The following KCNK10 variants were observed in gnomAD, a reference collection of about 807,000 sequenced individuals.
KCNK10 encodes the protein potassium two pore domain channel subfamily K member 10.
A neutral mutation model predicts 47.7 loss-of-function variants in KCNK10; 25 were observed. The ratio of observed to expected loss-of-function variants is 0.52; its 90% CI spans 0.38 to 0.73. The LOEUF (loss-of-function observed/expected upper bound fraction) is 0.73, where lower values mean the gene tolerates loss of function less well. Ranked by LOEUF, KCNK10 falls within the 30% of genes least tolerant of loss-of-function variation. KCNK10 has a pLI of 0.00. For synonymous variants in KCNK10, 303 were observed against 285.6 expected (o/e 1.06, Z -0.61); for missense variants, 563 against 714.5 (o/e 0.79, Z 2.42).
chr14:88,209,426 G>A (rs774124350), intron 4 of KCNK10, among the ~76,000 whole-genome samples: 8 of 152,362 alleles, frequency 5.3e-5, no homozygotes, highest in East Asian at 1.9e-4. Context: ...GGCCGACGAC[G>A]AAGAAGACAA....
Position 88,182,370 on chromosome 14 carries a change from T to C in KCNK10, c.*3165A>G, listed in dbSNP as rs1884400460. The C allele has an allele frequency of 6.6e-6, 1 of 152,338 alleles. No individual in the cohort carries two copies. Among genetic ancestry groups the C allele is most frequent in the East Asian group, 1.9e-4 (1 of 5,334 alleles). The allele number at this position is 152,338 out of a possible 1,614,324, so 9.4% of individuals were successfully genotyped here. ...AAAGGGGGGGCTGTGCTGATGCATG[T>C]ATAGAATGTGTAGCAGCTTTGACCT... On this transcript the variant is annotated 3_prime_UTR_variant, in exon 7 of 7. Transcript: ENST00000319231.
intron 4 of KCNK10, among the ~76,000 whole-genome samples, chr14:88,227,057 A>T (rs1886008976): frequency 6.6e-6 from 1 of 152,204 alleles, no homozygotes; most frequent in Non-Finnish European, 1.5e-5. Context: ...TACAAACACA[A>T]TGAGGAACCC....
chr14:88,319,899 A>G (rs995742141), intron 1 of KCNK10, among the ~76,000 whole-genome samples: 4 of 152,242 alleles, frequency 2.6e-5, no homozygotes, highest in Admixed American at 2.0e-4. Flanking sequence ...CTGTAAAATT[A>G]GGATAATACC....
Position 88,186,202 on chromosome 14 carries a change from T to G in KCNK10, c.1012-47A>C, listed in dbSNP as rs78100695. On this transcript the variant is annotated intron_variant, in intron 6 of 6. Transcript: ENST00000319231. This position sits in a 1 kb window ranked among gnomAD's most constrained non-coding sequence, Gnocchi z 5.5. ...AACAATATGCTGACAAATGCCTCCC[T>G]GCCTTGGCCTCCCAGCACCCACAGC... 6.6e-7 allele frequency: 1 copy of G among 1,521,912 alleles called. No individual in the cohort carries two copies. The highest frequency in any genetic ancestry group is 8.8e-7 in the Non-Finnish European group (1 of 1,133,702). 94.3% of individuals were successfully genotyped at this position (1,521,912 alleles called of 1,614,324 possible). A position where few individuals can be genotyped will look rare whatever the true frequency, so the allele number is the denominator to read the frequency against.
intron 2 of KCNK10, among the ~76,000 whole-genome samples, chr14:88,249,551 AT>A (rs1886736525): frequency 6.6e-6 from 1 of 152,176 alleles, no homozygotes; most frequent in African/African-American, 2.4e-5. Flanking sequence ...CTAGTAACCA[AT>A]AGCTACTGGG....
intron 4 of KCNK10, among the ~76,000 whole-genome samples, chr14:88,196,198 A>AT (rs1884908273): frequency 6.6e-6 from 1 of 152,178 alleles, no homozygotes; most frequent in African/African-American, 2.4e-5. Context: ...AACTATAGGA[A>AT]TTTTTTAAGT....
chr14:88,242,857 C>A (rs556086226), intron 2 of KCNK10, among the ~76,000 whole-genome samples: 1 of 152,186 alleles, frequency 6.6e-6, no homozygotes, highest in African/African-American at 2.4e-5. Context: ...GAAATAATAC[C>A]GCAGGGAGGG....
At chr14:88,217,179 C>T (rs1885648543) in intron 4 of KCNK10, among the ~76,000 whole-genome samples, 1 of 152,128 alleles carries the variant, frequency 6.6e-6, no homozygotes, top group Non-Finnish European at 1.5e-5. Flanking sequence ...AATAAACTCA[C>T]ATTATTATGT....
intron 4 of KCNK10, among the ~76,000 whole-genome samples, chr14:88,222,599 G>A (rs1885853197): frequency 6.6e-6 from 1 of 152,182 alleles, no homozygotes; most frequent in Non-Finnish European, 1.5e-5. Flanking sequence ...AAATGTACCA[G>A]TCTGGTGCGG....
At chr14:88,305,385 A>G (rs1354319294) in intron 1 of KCNK10, among the ~76,000 whole-genome samples, 3 of 152,196 alleles carry the variant, frequency 2.0e-5, no homozygotes, top group African/African-American at 7.2e-5. Flanking sequence ...CCCTTTTCTG[A>G]GAAGGAAAAT....
chr14:88,249,113 A>G (rs1177258038), intron 2 of KCNK10, among the ~76,000 whole-genome samples: 5 of 152,220 alleles, frequency 3.3e-5, no homozygotes, highest in African/African-American at 9.7e-5. Flanking sequence ...CAACTAAAAA[A>G]AAGGACAACA....
chr14:88,265,492 T>C (rs1452165417), intron 1 of KCNK10, among the ~76,000 whole-genome samples: 1 of 152,164 alleles, frequency 6.6e-6, no homozygotes, highest in Non-Finnish European at 1.5e-5. Context: ...ACTCTTTGAT[T>C]TTGGCCAAGT....
rs1888294265 is a variant in KCNK10 at position 88,310,217 on chromosome 14, C to CATATACCATATG, written c.52+12529_52+12530insCATATGGTATAT. Among the ~76,000 whole-genome samples the CATATACCATATG allele has an allele frequency of 6.5e-5, 6 of 92,142 alleles. 1 individual carries two copies. The highest frequency in any genetic ancestry group is 7.8e-4 in the South Asian group (2 of 2,550). The allele number at this position is 92,142 out of a possible 152,430, so 60.4% of individuals were successfully genotyped here. A position where few individuals can be genotyped will look rare whatever the true frequency, so the allele number is the denominator to read the frequency against. ...TCATATGGTATATGATATACCATAT[C>CATATACCATATG]ATATGGTATATGATATACCATATAA... On this transcript the variant is annotated intron_variant, in intron 1 of 6. Transcript: ENST00000319231.
intron 4 of KCNK10, among the ~76,000 whole-genome samples, chr14:88,210,014 T>C (rs1313244997): frequency 1.3e-5 from 2 of 152,206 alleles, no homozygotes; most frequent in Non-Finnish European, 2.9e-5. Flanking sequence ...CAAGCTAGAC[T>C]TAACAAGTCC....
At chr14:88,188,198 A>T (rs1291258126) in intron 5 of KCNK10, 89 bp from the exon 6 acceptor site, 9 of 1,443,994 alleles carry the variant, frequency 6.2e-6, no homozygotes, top group Non-Finnish European at 7.7e-6. Context: ...TGAAGACGTC[A>T]TCCATCATTG....
intron 4 of KCNK10, among the ~76,000 whole-genome samples, chr14:88,204,882 T>C (rs1469557543): frequency 6.6e-6 from 1 of 152,166 alleles, no homozygotes; most frequent in Non-Finnish European, 1.5e-5. Context: ...GATGAGCCTA[T>C]ACTGACAATA....
rs1888582209 is a variant in KCNK10 at position 88,323,037 on chromosome 14, G to A, written c.-239C>T. The A allele has an allele frequency of 4.5e-6, 6 of 1,335,152 alleles. No individual in the cohort carries two copies. Among genetic ancestry groups the A allele is most frequent in the African/African-American group, 3.0e-5 (2 of 67,382 alleles). The allele number at this position is 1,335,152 out of a possible 1,614,324, so 82.7% of individuals were successfully genotyped here. On this transcript the variant is annotated 5_prime_UTR_variant, in exon 1 of 7. Coordinates refer to ENST00000319231, the MANE Select transcript of KCNK10 (RefSeq NM_138317.3). ...GGGGTGGCCGGCCGCGGCCCCGTGG[G>A]TAAAAGAAAAAGTAAGATCGGCGAG...
At chr14:88,221,842 A>C (rs1595088954) in intron 4 of KCNK10, among the ~76,000 whole-genome samples, 1 of 152,240 alleles carries the variant, frequency 6.6e-6, no homozygotes, top group African/African-American at 2.4e-5. Context: ...ACTATGGTAC[A>C]CCCAGAAAAT....
chr14:88,197,065 G>A (rs1884935911), intron 4 of KCNK10, among the ~76,000 whole-genome samples: 1 of 152,122 alleles, frequency 6.6e-6, no homozygotes, highest in South Asian at 2.1e-4. Context: ...CCACTCAAAA[G>A]CCGAATACAC....
Sources: allele counts gnomAD v4.1 joint callset (sites outside exome capture counted in the v4.1 genomes callset), GRCh38; gene constraint gnomAD v4.1.1; non-coding constraint Gnocchi (gnomAD v3.1); transcripts MANE v1.5; gene names NCBI Gene and HGNC (gene_info 2026-07-23, HGNC 2026-07-21).